Variants in ADGRL2 observed in about 807,000 individuals in gnomAD.
ADGRL2 encodes the protein adhesion G protein-coupled receptor L2.
In ADGRL2, 44 loss-of-function variants were observed where a neutral mutation model predicts 157.4. The observed-to-expected ratio is 0.28, with a 90% confidence interval of 0.22 to 0.36. ADGRL2 has a LOEUF of 0.36. Ranked by LOEUF, ADGRL2 falls within the 10% of genes least tolerant of loss-of-function variation. The pLI, the probability that ADGRL2 is intolerant of heterozygous loss-of-function variation, is 1.00. For synonymous variants in ADGRL2, 585 were observed against 624.7 expected (o/e 0.94, Z 0.95); for missense variants, 1,510 against 1,768.9 (o/e 0.85, Z 2.63).
At chr1:81,984,508 C>T in intron 19 of ADGRL2, 75 bp from the exon 20 acceptor site, 1 of 1,362,464 alleles carries the variant, frequency 7.3e-7, no homozygotes. Context: ...CGGTTGTCTT[C>T]ACTGTTCATT....
At chr1:81,639,486 T>G (rs1557527574) in intron 3 of ADGRL2, among the ~76,000 whole-genome samples, 1 of 143,854 alleles carries the variant, frequency 7.0e-6, no homozygotes, top group South Asian at 2.2e-4. Flanking sequence ...GGAGAACTGC[T>G]TGAGGCCAGG....
chr1:81,767,329 T>G (rs1041452499), intron 2 of ADGRL2, among the ~76,000 whole-genome samples: 2 of 152,188 alleles, frequency 1.3e-5, no homozygotes, highest in African/African-American at 4.8e-5. Flanking sequence ...CTTGCAAATT[T>G]ATAAGTAGAT....
At chr1:81,624,583 T>C (rs924199224) in intron 3 of ADGRL2, among the ~76,000 whole-genome samples, 4 of 151,832 alleles carry the variant, frequency 2.6e-5, no homozygotes, top group African/African-American at 9.7e-5. Flanking sequence ...AATACAGTTA[T>C]CTAATTGCTG....
chr1:81,971,725 G>A, intron 16 of ADGRL2, 127 bp from the exon 17 acceptor site: 1 of 566,092 alleles, frequency 1.8e-6, no homozygotes, highest in Non-Finnish European at 3.2e-6. Context: ...TCTTGCACAT[G>A]ATAAATGAAT....
intron 3 of ADGRL2, among the ~76,000 whole-genome samples, chr1:81,654,832 C>T (rs1304163913): frequency 6.6e-6 from 1 of 152,220 alleles, no homozygotes; most frequent in Non-Finnish European, 1.5e-5. Context: ...ATTTCAATCC[C>T]TGTCTTACCA....
At chr1:81,816,587 A>G (rs775463354) in intron 1 of ADGRL2, among the ~76,000 whole-genome samples, 8 of 151,858 alleles carry the variant, frequency 5.3e-5, no homozygotes, top group Non-Finnish European at 1.2e-4. Flanking sequence ...GTATCAATGT[A>G]TAGGTTTTTT....
chr1:81,763,618 C>T (rs551650513), intron 2 of ADGRL2, among the ~76,000 whole-genome samples: 94 of 149,016 alleles, frequency 6.3e-4, no homozygotes, highest in African/African-American at 2.2e-3. Flanking sequence ...GGTGTGGTGG[C>T]TCACGCCTGT....
chr1:81,633,321 C>A (rs547324488), intron 3 of ADGRL2, among the ~76,000 whole-genome samples: 1 of 151,938 alleles, frequency 6.6e-6, no homozygotes, highest in African/African-American at 2.4e-5. Flanking sequence ...GCTGGGCGGG[C>A]GCAGTGGCTC....
intron 3 of ADGRL2, among the ~76,000 whole-genome samples, chr1:81,657,283 G>A (rs980234668): frequency 6.6e-6 from 1 of 152,138 alleles, no homozygotes; most frequent in African/African-American, 2.4e-5. Context: ...GTCTGAGGGA[G>A]TTTGTTTGCT....
intron 3 of ADGRL2, among the ~76,000 whole-genome samples, chr1:81,615,070 G>C (rs2081615791): frequency 6.6e-6 from 1 of 152,054 alleles, no homozygotes; most frequent in Non-Finnish European, 1.5e-5. Context: ...AAAAAGCAGT[G>C]AATATAAACA....
rs545057098 is a variant in ADGRL2 at position 81,662,887 on chromosome 1, C to A, written c.-143+81907C>A. 6.2e-4 allele frequency among the ~76,000 whole-genome samples: 94 copies of A among 152,126 alleles called. 1 individual carries two copies. Among genetic ancestry groups the A allele is most frequent in the African/African-American group, 2.1e-3 (86 of 41,516 alleles). ...TTCTTTTTAACTACTTTTTTTGTGC[C>A]CATTAACCATCCCCACCTTCCGCAC... is the stretch of plus-strand genomic sequence containing the variant. On this transcript the variant is annotated intron_variant, in intron 3 of 24. Coordinates refer to the ADGRL2 transcript ENST00000370721.
chr1:81,972,601 G>T (rs1016568407), intron 17 of ADGRL2, among the ~76,000 whole-genome samples: 1 of 151,988 alleles, frequency 6.6e-6, no homozygotes, highest in African/African-American at 2.4e-5. Context: ...ACAGTATCTA[G>T]ACTTTGGTAT....
At chr1:81,414,348 C>G (rs768496682) in intron 1 of ADGRL2, 1 of 152,130 alleles carries the variant, frequency 6.6e-6, no homozygotes, top group Non-Finnish European at 1.5e-5. Flanking sequence ...TTGGCATCTT[C>G]GAGGTAATAA....
chr1:81,929,999 G>A (rs1486963629), intron 3 of ADGRL2, among the ~76,000 whole-genome samples: 9 of 152,154 alleles, frequency 5.9e-5, no homozygotes, highest in Non-Finnish European at 1.3e-4. Flanking sequence ...TCACAATTAA[G>A]TAAGCAGCTG....
intron 1 of ADGRL2, among the ~76,000 whole-genome samples, chr1:81,423,713 T>C (rs2077165228): frequency 6.6e-6 from 1 of 152,260 alleles, no homozygotes; most frequent in Non-Finnish European, 1.5e-5. Flanking sequence ...GAAGCTTCAG[T>C]GTTTCATGTT....
At chr1:81,557,482 G>GAAAGAAAGAAAGA (rs370696204) in intron 2 of ADGRL2, 2 of 120,064 alleles carry the variant, frequency 1.7e-5, no homozygotes, top group Non-Finnish European at 3.5e-5. Flanking sequence ...AAGAAAGAAA[G>GAAAGAAAGAAAGA]AAGAAAGAAA....
rs534909584 is a variant in ADGRL2, at chr1:81,550,689, G to A, written c.-247-30187G>A. ...TGATCAACAATATGCCATGCTGTTC[G>A]AGATTTATCCTGTTACAATTCCTCT... On this transcript the variant is annotated intron_variant, in intron 2 of 24. Coordinates refer to the ADGRL2 transcript ENST00000370721. Among the ~76,000 whole-genome samples the A allele has an allele frequency of 9.9e-5, 15 of 152,228 alleles. No homozygotes were observed. The South Asian group carries it at 2.5e-3, about 25-fold the overall frequency.
intron 23 of ADGRL2, chr1:81,989,663 T>G: frequency 6.2e-7 from 1 of 1,610,778 alleles, no homozygotes; most frequent in Non-Finnish European, 8.5e-7. Context: ...TCAGCTACTC[T>G]TAGGCCAGAT....
chr1:81,926,033 C>T (rs541289614), intron 3 of ADGRL2, among the ~76,000 whole-genome samples: 1 of 151,972 alleles, frequency 6.6e-6, no homozygotes, highest in Non-Finnish European at 1.5e-5. Context: ...GGTTCTTTTG[C>T]ATTATTTCAA....
Sources: gnomAD v4.1 joint callset for allele counts (sites outside exome capture counted in the v4.1 genomes callset) on GRCh38, gnomAD v4.1.1 for gene constraint, MANE v1.5 for transcripts, NCBI Gene and HGNC (gene_info 2026-07-23, HGNC 2026-07-21) for gene names.